HHLA1: variants seen among roughly 807,000 people sequenced by gnomAD.
HHLA1 encodes the protein HHLA1 neighbor of OC90, also known as HERV-H LTR-associating protein 1.
In HHLA1, 72 loss-of-function variants were observed where a neutral mutation model predicts 69.9. That is an observed-to-expected ratio of 1.03 (90% CI 0.85 to 1.25). The LOEUF is 1.25. HHLA1 is among the 50% of genes most tolerant of loss of function. HHLA1 has a pLI of 0.00. For synonymous variants in HHLA1, 252 were observed against 233.2 expected, an observed-to-expected ratio of 1.08 and a Z score of -0.73; for missense variants, 685 against 642.2, an observed-to-expected ratio of 1.07 and a Z score of -0.72.
At chr8:132,065,219 T>C (rs573388751) in intron 16 of HHLA1, among the ~76,000 whole-genome samples, 2 of 152,344 alleles carry the variant, frequency 1.3e-5, no homozygotes, top group Admixed American at 1.3e-4. Flanking sequence ...TAAATTCTAG[T>C]ACTTCACGGT....
rs1182480596 is a variant in HHLA1, at chr8:132,062,202, A to G, written c.*1793T>C. 6.6e-6 allele frequency: 1 copy of G among 152,260 alleles called. No individual in the cohort carries two copies. The highest frequency in any genetic ancestry group is 2.4e-5 in the African/African-American group (1 of 41,466). 9.4% of individuals were successfully genotyped at this position (152,260 alleles called of 1,614,324 possible). A position where few individuals can be genotyped will look rare whatever the true frequency, so the allele number is the denominator to read the frequency against. On this transcript the variant is annotated 3_prime_UTR_variant, in exon 17 of 17. Coordinates refer to ENST00000414222, the MANE Select transcript of HHLA1 (RefSeq NM_001145095.3). ...CTTTGCCTCCCAGAAAATTTGCTGT[A>G]TCCTCTTCATCTTTGCAAAAGTCAT...
chr8:132,096,404 C>T (rs2469608), intron 5 of HHLA1, among the ~76,000 whole-genome samples: 47,404 of 152,058 alleles, frequency 0.31, 7,515 homozygotes, highest in East Asian at 0.42. Context: ...TCTGTTATCA[C>T]ATCAGGTGAT....
In HHLA1 at chr8:132,095,798, T is replaced by C. The variant is rs1174099760; in HGVS notation, c.281-12A>G. The stretch of plus-strand genomic sequence containing the variant: ...GAACTTCTTGCTATCTGCCAAAACA[T>C]ACCAGATAAAGAGACAGACAGATGC... On this transcript the variant is annotated splice_polypyrimidine_tract_variant and intron_variant, in intron 5 of 16. Transcript: ENST00000414222. 1 of 1,536,588 alleles carries C rather than the reference T, an allele frequency of 6.5e-7. No homozygotes were observed. The highest frequency in any genetic ancestry group is 8.8e-7 in the Non-Finnish European group (1 of 1,135,896).
chr8:132,083,897 A>G (rs1187214158), intron 10 of HHLA1, among the ~76,000 whole-genome samples: 1 of 152,130 alleles, frequency 6.6e-6, no homozygotes, highest in African/African-American at 2.4e-5. Context: ...GCCGGAATTT[A>G]ATTTTTGGAG....
rs1025030317 is a variant in HHLA1, at chr8:132,063,214, A to G, written c.*781T>C. 6.6e-6 allele frequency: 1 copy of G among 152,158 alleles called. No homozygotes were observed. The highest frequency in any genetic ancestry group is 2.4e-5 in the African/African-American group (1 of 41,430). The allele number at this position is 152,158 out of a possible 1,614,324, so 9.4% of individuals were successfully genotyped here. A position where few individuals can be genotyped will look rare whatever the true frequency, so the allele number is the denominator to read the frequency against. On this transcript the variant is annotated 3_prime_UTR_variant, in exon 17 of 17. Transcript: ENST00000414222. ...GACTCTCTCTAGAGGTGCCTTTCAC[A>G]TTTGCTGCTTTTCATCTGCATCCTT...
At chr8:132,079,993 T>G (rs773956771) in intron 10 of HHLA1, 27 bp from the exon 11 acceptor site, 1 of 1,552,118 alleles carries the variant, frequency 6.4e-7, no homozygotes, top group Non-Finnish European at 8.7e-7. Context: ...AATGGTAACA[T>G]TAACATGCTT....
intron 5 of HHLA1, among the ~76,000 whole-genome samples, chr8:132,097,707 T>C (rs986086563): frequency 1.3e-5 from 2 of 152,214 alleles, no homozygotes; most frequent in East Asian, 1.9e-4. Flanking sequence ...CACTGCCTTC[T>C]TATCGTGCAC....
chr8:132,077,987 G>T lies in HHLA1; in HGVS notation c.926-16C>A. The T allele has an allele frequency of 6.4e-7, 1 of 1,551,322 alleles. No homozygotes were observed. Among genetic ancestry groups the T allele is most frequent in the South Asian group, 1.2e-5 (1 of 84,028 alleles). On this transcript the variant is annotated splice_polypyrimidine_tract_variant and intron_variant, in intron 11 of 16. Transcript: ENST00000414222. ...CTCCTGGTAGCTGCACATTCAAAGTGACAGTAACAGGGTACAGACATGCTT... is the reference window on the plus strand; with the variant it reads ...CTCCTGGTAGCTGCACATTCAAAGTTACAGTAACAGGGTACAGACATGCTT...
At chr8:132,082,502 G>A (rs969348306) in intron 10 of HHLA1, among the ~76,000 whole-genome samples, 2 of 152,126 alleles carry the variant, frequency 1.3e-5, no homozygotes, top group African/African-American at 4.8e-5. Context: ...ATGATTGGCA[G>A]GGAGAGCACG....
At position 132,077,712 on chromosome 8, in the gene HHLA1, G is replaced by A. The variant is rs1823668239; in HGVS notation, c.1171+14C>T. The A allele has an allele frequency of 1.3e-6, 2 of 1,550,224 alleles. No individual in the cohort carries two copies. The highest frequency in any genetic ancestry group is 3.9e-5 in the Admixed American group (2 of 50,964). On this transcript the variant is annotated intron_variant, in intron 12 of 16. Transcript: ENST00000414222. ...TTTAAAACGGGAGAGGTAGAAGTGA[G>A]CACCCTCTCTTACCCAAGGTAGGGC...
At chr8:132,068,769 G>A (rs537314293) in intron 15 of HHLA1, among the ~76,000 whole-genome samples, 40 of 152,322 alleles carry the variant, frequency 2.6e-4, no homozygotes, top group Admixed American at 8.5e-4. Flanking sequence ...GGGGCCTGAG[G>A]TAGCAAAATT....
chr8:132,106,914 C>T (rs1824210932), intron 1 of HHLA1, among the ~76,000 whole-genome samples: 1 of 152,188 alleles, frequency 6.6e-6, no homozygotes, highest in Non-Finnish European at 1.5e-5. Context: ...AAGCACTGCG[C>T]AAACATTATC....
At chr8:132,079,366 G>T (rs1033019420) in intron 11 of HHLA1, among the ~76,000 whole-genome samples, 6 of 152,212 alleles carry the variant, frequency 3.9e-5, no homozygotes, top group African/African-American at 9.6e-5. Flanking sequence ...AAATACTTTT[G>T]CCACAATGTA....
chr8:132,071,626 G>T, intron 14 of HHLA1, 133 bp from the exon 15 acceptor site: 1 of 772,862 alleles, frequency 1.3e-6, no homozygotes, highest in South Asian at 1.9e-5. Flanking sequence ...GGTAAACATA[G>T]CATTCCTCAC....
At chr8:132,068,841 TG>T (rs1404273568) in intron 15 of HHLA1, among the ~76,000 whole-genome samples, 1 of 152,162 alleles carries the variant, frequency 6.6e-6, no homozygotes, top group East Asian at 1.9e-4. Flanking sequence ...AGAATGGTTC[TG>T]GGGCCCCAAA....
At chr8:132,078,641 T>C (rs530119544) in intron 11 of HHLA1, among the ~76,000 whole-genome samples, 7 of 152,198 alleles carry the variant, frequency 4.6e-5, no homozygotes, top group Admixed American at 1.3e-4. Context: ...CCTCTCTGTG[T>C]TCTCTGTGTA....
intron 1 of HHLA1, among the ~76,000 whole-genome samples, chr8:132,109,200 T>A (rs1382030339): frequency 6.6e-6 from 1 of 152,096 alleles, no homozygotes; most frequent in East Asian, 1.9e-4. Flanking sequence ...AGAGGCAGGG[T>A]TTCACCATCT....
chr8:132,099,776 C>T (rs955759138), intron 4 of HHLA1, among the ~76,000 whole-genome samples: 1 of 152,040 alleles, frequency 6.6e-6, no homozygotes, highest in African/African-American at 2.4e-5. Context: ...ATCGCTTGAG[C>T]CTGGGAGGCG....
In HHLA1 at chr8:132,062,223, G is replaced by C. The variant is rs1198936787; in HGVS notation, c.*1772C>G. 2 of 152,220 alleles carry C rather than the reference G, an allele frequency of 1.3e-5. No individual in the cohort carries two copies. The highest frequency in any genetic ancestry group is 2.9e-5 in the Non-Finnish European group (2 of 68,048). 9.4% of individuals were successfully genotyped at this position (152,220 alleles called of 1,614,324 possible). ...CTGTATCCTCTTCATCTTTGCAAAA[G>C]TCATGATAATATACATTTATGAGCT... On this transcript the variant is annotated 3_prime_UTR_variant, in exon 17 of 17. Transcript: ENST00000414222.
Sources: allele counts gnomAD v4.1 joint callset (sites outside exome capture counted in the v4.1 genomes callset), GRCh38; gene constraint gnomAD v4.1.1; transcripts MANE v1.5; gene names NCBI Gene and HGNC (gene_info 2026-07-23, HGNC 2026-07-21).